The following UBE2N variants were observed in gnomAD, a reference collection of about 807,000 sequenced individuals.
The protein encoded by UBE2N is ubiquitin-conjugating enzyme E2 N.
For missense variants in UBE2N, 60 were observed against 192.1 expected, an observed-to-expected ratio of 0.31 and a Z score of 4.07; for synonymous variants, 70 against 69.2, an observed-to-expected ratio of 1.01 and a Z score of -0.06.
In UBE2N at chr12:93,423,808, ATAACATTCT is replaced by A. The variant is rs1408195826; in HGVS notation, c.31-12518_31-12510del. 2.6e-5 allele frequency among the ~76,000 whole-genome samples: 4 copies of A among 152,280 alleles called. No individual in the cohort carries two copies. The East Asian group carries it at 7.7e-4, about 29-fold the overall frequency. On this transcript the variant is annotated intron_variant, in intron 1 of 3. Coordinates refer to ENST00000318066, the MANE Select transcript of UBE2N (RefSeq NM_003348.4). Reference sequence around the variant, plus strand: ...TTCTACTGGAAGGTCCCCTTTTGTAATAACATTCTTTAGGCCTATAATTACTGTTTTAGT... The same window carrying A: ...TTCTACTGGAAGGTCCCCTTTTGTAATTAGGCCTATAATTACTGTTTTAGT...
intron 1 of UBE2N, among the ~76,000 whole-genome samples, chr12:93,412,226 T>C (rs1222597889): frequency 6.6e-6 from 1 of 152,214 alleles, no homozygotes; most frequent in Non-Finnish European, 1.5e-5. Context: ...TGTATTATTA[T>C]TATTTCTCTT....
chr12:93,426,215 G>C (rs1878578046), intron 1 of UBE2N, among the ~76,000 whole-genome samples: 1 of 151,920 alleles, frequency 6.6e-6, no homozygotes, highest in Non-Finnish European at 1.5e-5. Context: ...TACACACTAG[G>C]GCTGATGTAT....
chr12:93,421,691 A>G (rs1487511144), intron 1 of UBE2N, among the ~76,000 whole-genome samples: 1 of 152,198 alleles, frequency 6.6e-6, no homozygotes, highest in Non-Finnish European at 1.5e-5. Flanking sequence ...AGATAAAAAT[A>G]GGAAAAAAAC....
chr12:93,432,980 GAGTGC>G (rs985805028), intron 1 of UBE2N, among the ~76,000 whole-genome samples: 19 of 149,704 alleles, frequency 1.3e-4, no homozygotes, highest in African/African-American at 4.4e-4. Flanking sequence ...GCCCAGGCTG[GAGTGC>G]AGTGGGGTGA....
chr12:93,417,113 G>A (rs1565793013), intron 1 of UBE2N, among the ~76,000 whole-genome samples: 1 of 152,158 alleles, frequency 6.6e-6, no homozygotes, highest in Non-Finnish European at 1.5e-5. Flanking sequence ...AGTTGGTAAA[G>A]GAATAGGGTA....
chr12:93,437,009 C>A (rs1261779400), intron 1 of UBE2N, among the ~76,000 whole-genome samples: 1 of 152,088 alleles, frequency 6.6e-6, no homozygotes, highest in Non-Finnish European at 1.5e-5. Context: ...TGCCTGTTAA[C>A]CCTAGCACTT....
intron 1 of UBE2N, among the ~76,000 whole-genome samples, chr12:93,413,347 T>G (rs371962419): frequency 2.0e-5 from 3 of 152,158 alleles, no homozygotes; most frequent in Non-Finnish European, 4.4e-5. Flanking sequence ...GCACTGGGGC[T>G]CTATTCTAGG....
intron 1 of UBE2N, among the ~76,000 whole-genome samples, chr12:93,424,683 G>A (rs1878524432): frequency 1.3e-5 from 2 of 152,206 alleles, no homozygotes; most frequent in Non-Finnish European, 1.5e-5. Flanking sequence ...GGCGCCTCTT[G>A]AAGTTATACA....
At chr12:93,441,490 C>G (rs1047210024) in intron 1 of UBE2N, among the ~76,000 whole-genome samples, 31 of 149,756 alleles carry the variant, frequency 2.1e-4, no homozygotes, top group African/African-American at 7.9e-4. Context: ...GCGATTCCCG[C>G]GCGCCCGCGG....
chr12:93,426,791 A>C, intron 1 of UBE2N, among the ~76,000 whole-genome samples: 1 of 152,162 alleles, frequency 6.6e-6, no homozygotes, highest in South Asian at 2.1e-4. Flanking sequence ...TCCTAGTTTA[A>C]GTCTGCAGAT....
intron 1 of UBE2N, 133 bp downstream of exon 1, chr12:93,441,722 G>A (rs1031485444): frequency 1.6e-6 from 2 of 1,266,164 alleles, no homozygotes; most frequent in Non-Finnish European, 2.1e-6. Context: ...CGCCGCCGCG[G>A]CCAACCCCTC....
chr12:93,441,629 G>A (rs1047688808), intron 1 of UBE2N, among the ~76,000 whole-genome samples: 26 of 152,146 alleles, frequency 1.7e-4, no homozygotes, highest in African/African-American at 6.3e-4. Context: ...CAGCCGCCTG[G>A]AAGCCCCGGG....
At chr12:93,410,968 T>A (rs1195364604) in intron 2 of UBE2N, 85 bp downstream of exon 2, 1 of 1,613,368 alleles carries the variant, frequency 6.2e-7, no homozygotes, top group Admixed American at 1.7e-5. Flanking sequence ...GATCTTTGTA[T>A]AATGTTTACA....
At chr12:93,428,610 A>G (rs1281314183) in intron 1 of UBE2N, among the ~76,000 whole-genome samples, 1 of 152,216 alleles carries the variant, frequency 6.6e-6, no homozygotes, top group Non-Finnish European at 1.5e-5. Context: ...AAGCACACAT[A>G]TGACCAGTGT....
At chr12:93,437,922 TAAAA>T (rs1383104867) in intron 1 of UBE2N, among the ~76,000 whole-genome samples, 1 of 152,130 alleles carries the variant, frequency 6.6e-6, no homozygotes, top group Non-Finnish European at 1.5e-5. Context: ...TCCTAGTTAA[TAAAA>T]AAAGATACAT....
chr12:93,417,781 G>A (rs1878266337), intron 1 of UBE2N, among the ~76,000 whole-genome samples: 3 of 151,974 alleles, frequency 2.0e-5, no homozygotes, highest in Admixed American at 6.6e-5. Context: ...ATCTTTAAGC[G>A]ATTCTAAAAT....
chr12:93,418,524 C>G (rs772347809), intron 1 of UBE2N, among the ~76,000 whole-genome samples: 3 of 151,842 alleles, frequency 2.0e-5, no homozygotes, highest in Non-Finnish European at 4.4e-5. Flanking sequence ...TATAGTAAAA[C>G]TGACTGCCTA....
chr12:93,434,265 C>T (rs1203985728), intron 1 of UBE2N, among the ~76,000 whole-genome samples: 2 of 152,172 alleles, frequency 1.3e-5, no homozygotes, highest in African/African-American at 4.8e-5. Context: ...GCACTCCAGC[C>T]TGGCGACAGA....
intron 1 of UBE2N, among the ~76,000 whole-genome samples, chr12:93,416,877 A>G (rs928091844): frequency 2.7e-5 from 4 of 149,338 alleles, no homozygotes; most frequent in Non-Finnish European, 4.4e-5. Context: ...AAAAAAAAAA[A>G]GTTGACAAAT....
Sources: gnomAD v4.1 joint callset for allele counts (sites outside exome capture counted in the v4.1 genomes callset) on GRCh38, gnomAD v4.1.1 for gene constraint, MANE v1.5 for transcripts, NCBI Gene and HGNC (gene_info 2026-07-23, HGNC 2026-07-21) for gene names.